Variants in SLC5A4 observed in about 807,000 individuals in gnomAD.
The protein encoded by SLC5A4 is solute carrier family 5 member 4, also known as probable glucose sensor protein SLC5A4.
SLC5A4 carries 55 observed loss-of-function variants against 70.3 expected under a neutral mutation model. The ratio of observed to expected loss-of-function variants is 0.78; its 90% CI spans 0.63 to 0.98. The LOEUF (loss-of-function observed/expected upper bound fraction) is 0.98. Among genes scored for constraint, SLC5A4 ranks in the 50% least tolerant of loss-of-function variants. The pLI is 0.00. For synonymous variants in SLC5A4, 268 were observed against 305.7 expected, an observed-to-expected ratio of 0.88 and a Z score of 1.29; for missense variants, 735 against 839.2, an observed-to-expected ratio of 0.88 and a Z score of 1.53.
chr22:32,305,735 T>C, the SLC5A4 span, among the ~76,000 whole-genome samples: 2 of 151,012 alleles, frequency 1.3e-5, no homozygotes, highest in Admixed American at 6.7e-5. Context: ...TTAAAGGTGG[T>C]TACTCTGTCC....
At chr22:32,289,194 A>AT in the SLC5A4 span, among the ~76,000 whole-genome samples, 3 of 152,028 alleles carry the variant, frequency 2.0e-5, no homozygotes, top group Non-Finnish European at 4.4e-5. Flanking sequence ...TGAACTTTAC[A>AT]TTTTTTTGTA....
chr22:32,312,531 G>A, the SLC5A4 span, among the ~76,000 whole-genome samples: 1 of 152,040 alleles, frequency 6.6e-6, no homozygotes, highest in Admixed American at 6.5e-5. Context: ...GCTTTGTCTT[G>A]GTCATCCTGA....
the SLC5A4 span, among the ~76,000 whole-genome samples, chr22:32,333,196 A>ACC: frequency 0.14 from 19,333 of 136,296 alleles, 1,640 homozygotes; most frequent in Non-Finnish European, 0.19. Context: ...TAGCACTGGC[A>ACC]CCCCCCCCCC....
intron 10 of SLC5A4, among the ~76,000 whole-genome samples, chr22:32,229,560 G>C (rs754646885): frequency 3.9e-5 from 6 of 152,178 alleles, no homozygotes; most frequent in Non-Finnish European, 5.9e-5. Flanking sequence ...AACATCACAT[G>C]TTCTCACTTA....
the SLC5A4 span, among the ~76,000 whole-genome samples, chr22:32,349,253 G>A: frequency 6.7e-4 from 102 of 152,320 alleles, 2 homozygotes; most frequent in South Asian, 0.014. Flanking sequence ...GATTACAGGC[G>A]TGAGCCACTG....
At chr22:32,256,172 G>A (rs73395092), upstream of SLC5A4, among the ~76,000 whole-genome samples, 2,667 of 152,198 alleles carry the variant, frequency 0.018, 74 homozygotes, top group African/African-American at 0.059. Context: ...GCTGAGTGTG[G>A]TGATGCACAC....
intron 5 of SLC5A4, among the ~76,000 whole-genome samples, chr22:32,247,023 A>G (rs1362711697): frequency 1.3e-5 from 2 of 152,230 alleles, no homozygotes; most frequent in African/African-American, 2.4e-5. Flanking sequence ...AAATCTGGAC[A>G]TGGTCTGAGA....
chr22:32,316,466 C>T, the SLC5A4 span, among the ~76,000 whole-genome samples: 1 of 151,892 alleles, frequency 6.6e-6, no homozygotes, highest in Admixed American at 6.6e-5. Flanking sequence ...AGCATAGCCT[C>T]AATATTCATA....
the SLC5A4 span, among the ~76,000 whole-genome samples, chr22:32,281,999 A>G: frequency 6.6e-6 from 1 of 151,866 alleles, no homozygotes; most frequent in South Asian, 2.1e-4. Context: ...ATGTGCCACC[A>G]CGCCTGGCTA....
At chr22:32,341,710 G>C in the SLC5A4 span, among the ~76,000 whole-genome samples, 1 of 152,214 alleles carries the variant, frequency 6.6e-6, no homozygotes, top group Non-Finnish European at 1.5e-5. Context: ...GGCCCCTTAT[G>C]TTCTGCCCCT....
chr22:32,299,731 C>G, the SLC5A4 span, among the ~76,000 whole-genome samples: 1 of 119,370 alleles, frequency 8.4e-6, no homozygotes, highest in Non-Finnish European at 1.8e-5. Flanking sequence ...GAGAGGCGCT[C>G]TGCTTTTTAG....
At chr22:32,249,717 A>G (rs1296091533) in intron 3 of SLC5A4, among the ~76,000 whole-genome samples, 1 of 152,242 alleles carries the variant, frequency 6.6e-6, no homozygotes, top group African/African-American at 2.4e-5. Context: ...ATGCATGTAC[A>G]TGAAAACACC....
chr22:32,304,103 T>C, the SLC5A4 span, among the ~76,000 whole-genome samples: 1 of 152,210 alleles, frequency 6.6e-6, no homozygotes, highest in Non-Finnish European at 1.5e-5. Context: ...CTTTGGTCTT[T>C]GGCTCATTTT....
chr22:32,285,718 TTTTA>T, the SLC5A4 span, among the ~76,000 whole-genome samples: 11 of 77,794 alleles, frequency 1.4e-4, no homozygotes, highest in African/African-American at 5.8e-4. Context: ...TTTATTTTTA[TTTTA>T]TTTTATTTTT....
At chr22:32,272,502 G>T in the SLC5A4 span, 1 of 706,666 alleles carries the variant, frequency 1.4e-6, no homozygotes, top group Non-Finnish European at 2.6e-6. Context: ...TCTGGCTGCT[G>T]TTACCAGGAG....
At chr22:32,225,316 C>T (rs1925327399) in intron 12 of SLC5A4, among the ~76,000 whole-genome samples, 1 of 152,202 alleles carries the variant, frequency 6.6e-6, no homozygotes, top group South Asian at 2.1e-4. Flanking sequence ...TCATTATCTT[C>T]ATTTTACAGA....
chr22:32,313,279 G>C, the SLC5A4 span, among the ~76,000 whole-genome samples: 2 of 152,308 alleles, frequency 1.3e-5, no homozygotes, highest in East Asian at 3.9e-4. Context: ...CATGGCTTGG[G>C]ACAGTCTCAG....
At chr22:32,227,093 C>T (rs1008282488) in intron 11 of SLC5A4, among the ~76,000 whole-genome samples, 1 of 152,108 alleles carries the variant, frequency 6.6e-6, no homozygotes, top group Non-Finnish European at 1.5e-5. Context: ...AGGTAGCATA[C>T]CTTTATTAAT....
chr22:32,290,067 G>A, the SLC5A4 span, among the ~76,000 whole-genome samples: 1 of 115,200 alleles, frequency 8.7e-6, no homozygotes, highest in Admixed American at 9.2e-5. Flanking sequence ...TGTAGGGCCT[G>A]GGTTTTTCTT....
Sources: allele counts gnomAD v4.1 joint callset (sites outside exome capture counted in the v4.1 genomes callset), GRCh38; gene constraint gnomAD v4.1.1; transcripts MANE v1.5; gene names NCBI Gene and HGNC (gene_info 2026-07-23, HGNC 2026-07-21).